The following MED12L variants were observed in gnomAD, a reference collection of about 807,000 sequenced individuals.
MED12L encodes mediator of RNA polymerase II transcription subunit 12-like protein.
MED12L carries 60 observed loss-of-function variants against 281.3 expected under a neutral mutation model. The ratio of observed to expected loss-of-function variants is 0.21; its 90% CI spans 0.17 to 0.26. The LOEUF is 0.26. Among genes scored for constraint, MED12L ranks in the 10% least tolerant of loss-of-function variants. The probability of loss-of-function intolerance (pLI) is 1.00; values close to 1 mark genes in which losing one functional copy is unlikely to be tolerated. For missense variants in MED12L, 2,146 were observed against 2,680.9 expected, an observed-to-expected ratio of 0.80 and a Z score of 4.41; for synonymous variants, 974 against 987.2, an observed-to-expected ratio of 0.99 and a Z score of 0.25.
intron 38 of MED12L, 124 bp from the exon 39 acceptor site, chr3:151,394,532 T>A: frequency 6.9e-7 from 1 of 1,442,332 alleles, no homozygotes; most frequent in Non-Finnish European, 9.3e-7. Flanking sequence ...GGTGGGACAG[T>A]GCATTTTTTT....
chr3:151,100,872 G>T lies in MED12L; in HGVS notation c.99+13847G>T, dbSNP rs760107490. Among the ~76,000 whole-genome samples, 68 of 152,102 alleles carry T rather than the reference G, an allele frequency of 4.5e-4. 1 individual carries two copies. The highest frequency in any genetic ancestry group is 1.0e-4 in the Non-Finnish European group (7 of 68,032). ...CTTCCACTGTGTTAGGTGATATGGGGGTGTAGAAAAGAAATAGAAGCCTCC... is the reference window on the plus strand; with the variant it reads ...CTTCCACTGTGTTAGGTGATATGGGTGTGTAGAAAAGAAATAGAAGCCTCC... On this transcript the variant is annotated intron_variant, in intron 2 of 44. Transcript: ENST00000687756.
At chr3:151,401,060 A>G (rs1271846975) in intron 39 of MED12L, among the ~76,000 whole-genome samples, 3 of 152,226 alleles carry the variant, frequency 2.0e-5, no homozygotes, top group Non-Finnish European at 2.9e-5. Flanking sequence ...ATCCATCAAC[A>G]TAAACATTGT....
At chr3:151,372,796 G>C in intron 27 of MED12L, 30 bp downstream of exon 27, 1 of 1,571,020 alleles carries the variant, frequency 6.4e-7, no homozygotes, top group Non-Finnish European at 8.8e-7. Flanking sequence ...CTTTTACTTT[G>C]AGTACGTAAC....
chr3:151,268,309 G>T (rs1187636047), intron 16 of MED12L, among the ~76,000 whole-genome samples: 1 of 151,902 alleles, frequency 6.6e-6, no homozygotes, highest in African/African-American at 2.4e-5. Flanking sequence ...CTGTTTTATG[G>T]CCTAATTTGT....
intron 16 of MED12L, among the ~76,000 whole-genome samples, chr3:151,240,038 C>CT (rs11366541): frequency 3.9e-4 from 57 of 146,980 alleles, no homozygotes; most frequent in Non-Finnish European, 6.6e-4. Context: ...TTTCTCCCAC[C>CT]TTTTTTTTTT....
At chr3:151,401,180 A>G (rs1715626160) in intron 39 of MED12L, among the ~76,000 whole-genome samples, 1 of 152,114 alleles carries the variant, frequency 6.6e-6, no homozygotes, top group Admixed American at 6.5e-5. Flanking sequence ...ATGTAGTTAT[A>G]TTCATTCATT....
chr3:151,123,490 G>C (rs1326305021), intron 4 of MED12L, among the ~76,000 whole-genome samples: 1 of 152,136 alleles, frequency 6.6e-6, no homozygotes, highest in Non-Finnish European at 1.5e-5. Context: ...TTTTTTTATA[G>C]GGGAGGGGAT....
In MED12L at chr3:151,127,875, T is replaced by C. The variant is rs564971221; in HGVS notation, c.447T>C (p.Tyr149=). 194 of 1,613,514 alleles carry C rather than the reference T, an allele frequency of 1.2e-4. No homozygotes were observed. In the South Asian group the frequency reaches 1.9e-3, roughly 16 times the overall value. ...KEDVFAYLAK[Y]SVPMVRATWL... is the part of the protein sequence containing the mutation. ...ATGTTTTTGCATATTTAGCTAAATA[T>C]TCTGTGCCAATGGTTCGAGCAACGT... Residue 149 remains tyrosine, a synonymous_variant, in exon 5 of 45, where the codon TAT becomes TAC. Transcript: ENST00000687756.
At chr3:151,265,316 C>G (rs1229143401) in intron 16 of MED12L, among the ~76,000 whole-genome samples, 1 of 152,050 alleles carries the variant, frequency 6.6e-6, no homozygotes. Flanking sequence ...TTAAAGAGAT[C>G]AGGAAAATAA....
At chr3:151,345,638 C>T (rs1224970649) in intron 16 of MED12L, among the ~76,000 whole-genome samples, 1 of 151,534 alleles carries the variant, frequency 6.6e-6, no homozygotes, top group Non-Finnish European at 1.5e-5. Context: ...CTGCCTCAGC[C>T]TCCCGAGTAG....
chr3:151,266,266 T>TC (rs1739818617), intron 16 of MED12L, among the ~76,000 whole-genome samples: 1 of 152,224 alleles, frequency 6.6e-6, no homozygotes, highest in Non-Finnish European at 1.5e-5. Context: ...CAACATCTTC[T>TC]ATTAAAATGA....
chr3:151,425,634 C>T, intron 43 of MED12L: 1 of 456,272 alleles, frequency 2.2e-6, no homozygotes, highest in Non-Finnish European at 4.4e-6. Flanking sequence ...AGTGGTTATA[C>T]CATGTTGATT....
chr3:151,429,442 C>T (rs1186822021), intron 43 of MED12L, among the ~76,000 whole-genome samples: 3 of 151,904 alleles, frequency 2.0e-5, no homozygotes, highest in African/African-American at 7.3e-5. Flanking sequence ...AGTGACAGAC[C>T]AGGAGGAGAG....
At chr3:151,198,780 T>G (rs1437338478) in intron 16 of MED12L, 1 of 1,613,736 alleles carries the variant, frequency 6.2e-7, no homozygotes, top group Non-Finnish European at 8.5e-7. Context: ...AGCTGTCGAA[T>G]TACAAGGCAA....
intron 16 of MED12L, among the ~76,000 whole-genome samples, chr3:151,285,378 G>A (rs933734946): frequency 6.6e-6 from 1 of 152,064 alleles, no homozygotes; most frequent in African/African-American, 2.4e-5. Context: ...CCAGCTACTC[G>A]GGAGGCTGAG....
chr3:151,314,731 G>A (rs553854368), intron 16 of MED12L, among the ~76,000 whole-genome samples: 1 of 152,042 alleles, frequency 6.6e-6, no homozygotes, highest in Admixed American at 6.5e-5. Flanking sequence ...TCCAAGCCTT[G>A]GGTTCTTTCA....
At chr3:151,221,369 G>T (rs1729315003) in intron 16 of MED12L, among the ~76,000 whole-genome samples, 2 of 152,242 alleles carry the variant, frequency 1.3e-5, no homozygotes. Context: ...GCAACAAAGA[G>T]CTGAATGTTA....
At chr3:151,292,778 G>A (rs1294666050) in intron 16 of MED12L, among the ~76,000 whole-genome samples, 2 of 152,160 alleles carry the variant, frequency 1.3e-5, no homozygotes, top group Non-Finnish European at 2.9e-5. Context: ...CTCCATGTTG[G>A]TCAGGCTGGT....
intron 4 of MED12L, among the ~76,000 whole-genome samples, chr3:151,123,354 GT>G (rs1714043139): frequency 6.6e-6 from 1 of 152,148 alleles, no homozygotes; most frequent in Non-Finnish European, 1.5e-5. Flanking sequence ...GTCTTTAAAA[GT>G]ATCCATCCAA....
Sources: gnomAD v4.1 joint callset for allele counts (sites outside exome capture counted in the v4.1 genomes callset) on GRCh38, gnomAD v4.1.1 for gene constraint, MANE v1.5 for transcripts, NCBI Gene and HGNC (gene_info 2026-07-23, HGNC 2026-07-21) for gene names.